The following DNM3 variants were observed in gnomAD, a reference collection of about 807,000 sequenced individuals.
DNM3 encodes the protein dynamin 3, also known as dynamin-3.
A neutral mutation model predicts 101.6 loss-of-function variants in DNM3; 47 were observed. The observed-to-expected ratio is 0.46, with a 90% CI of 0.37 to 0.59. The LOEUF (loss-of-function observed/expected upper bound fraction) is 0.59, where lower values mean the gene tolerates loss of function less well. DNM3 is among the 20% of genes least tolerant of loss of function. DNM3 has a pLI of 0.00. For synonymous variants in DNM3, 385 were observed against 387.9 expected, an observed-to-expected ratio of 0.99 and a Z score of 0.09; for missense variants, 849 against 1,085.7, an observed-to-expected ratio of 0.78 and a Z score of 3.06.
chr1:172,179,712 A>G (rs1267212949), intron 14 of DNM3, among the ~76,000 whole-genome samples: 4 of 151,956 alleles, frequency 2.6e-5, no homozygotes, highest in Non-Finnish European at 5.9e-5. Flanking sequence ...TTTTGGGAAT[A>G]CAGATTCAAT....
At chr1:172,360,930 G>A (rs2067708483) in intron 17 of DNM3, among the ~76,000 whole-genome samples, 1 of 152,000 alleles carries the variant, frequency 6.6e-6, no homozygotes, top group Non-Finnish European at 1.5e-5. Flanking sequence ...AGGTGGGACT[G>A]GCAGGAAATG....
At chr1:172,019,459 G>T (rs2047681144) in intron 4 of DNM3, among the ~76,000 whole-genome samples, 1 of 150,788 alleles carries the variant, frequency 6.6e-6, no homozygotes, top group Non-Finnish European at 1.5e-5. Flanking sequence ...CCTAGTTATA[G>T]CTTTTGGGGG....
rs112528867 is a variant in DNM3 at position 171,979,072 on chromosome 1, A to G, written c.236-8584A>G. 6.6e-4 allele frequency among the ~76,000 whole-genome samples: 101 copies of G among 152,260 alleles called. 1 individual carries two copies. The highest frequency in any genetic ancestry group is 2.3e-3 in the African/African-American group (96 of 41,562). On this transcript the variant is annotated intron_variant, in intron 2 of 20. Transcript: ENST00000627582. ...TCTAGAAACAAGTCTGGTGTACTCC[A>G]ATATTTAGAAGTGTAGAAGAGAAGG... is the stretch of plus-strand genomic sequence containing the variant.
chr1:172,335,279 G>A (rs2066370275), intron 17 of DNM3, among the ~76,000 whole-genome samples: 1 of 152,044 alleles, frequency 6.6e-6, no homozygotes, highest in African/African-American at 2.4e-5. Flanking sequence ...GTTTTTCGGG[G>A]ATAAAGGCAT....
chr1:172,357,564 A>G (rs1228787725), intron 17 of DNM3, among the ~76,000 whole-genome samples: 2 of 152,100 alleles, frequency 1.3e-5, no homozygotes, highest in African/African-American at 2.4e-5. Context: ...AAGATGAAAA[A>G]AGACTGAGGT....
chr1:172,147,099 C>T (rs1187680481), intron 14 of DNM3, among the ~76,000 whole-genome samples: 1 of 152,074 alleles, frequency 6.6e-6, no homozygotes, highest in East Asian at 1.9e-4. Flanking sequence ...GGTGCTCTTG[C>T]CTCCAAATAG....
intron 2 of DNM3, among the ~76,000 whole-genome samples, chr1:171,966,065 T>C (rs2043565161): frequency 6.6e-6 from 1 of 152,202 alleles, no homozygotes; most frequent in African/African-American, 2.4e-5. Context: ...ATATTTCTTC[T>C]TATGTTGCAT....
At chr1:171,950,478 T>C (rs2208369) in intron 2 of DNM3, among the ~76,000 whole-genome samples, 96,978 of 152,016 alleles carry the variant, frequency 0.64, 31,098 homozygotes, top group Middle Eastern at 0.69. Flanking sequence ...GTGTTCTGAG[T>C]GCATTTATAG....
intron 17 of DNM3, among the ~76,000 whole-genome samples, chr1:172,354,590 A>C (rs943049160): frequency 1.3e-5 from 2 of 152,134 alleles, no homozygotes; most frequent in Non-Finnish European, 2.9e-5. Context: ...TTTGATTTCT[A>C]GTGGTTTTTT....
At chr1:172,301,919 A>G (rs1285539642) in intron 15 of DNM3, among the ~76,000 whole-genome samples, 1 of 152,202 alleles carries the variant, frequency 6.6e-6, no homozygotes, top group African/African-American at 2.4e-5. Flanking sequence ...CCGTTCCAAG[A>G]TGACCGAATA....
At chr1:172,318,393 C>T (rs1395576665) in intron 16 of DNM3, among the ~76,000 whole-genome samples, 1 of 152,072 alleles carries the variant, frequency 6.6e-6, no homozygotes, top group Non-Finnish European at 1.5e-5. Context: ...CCAGGGCAAT[C>T]AGGCAGGAGA....
At chr1:172,129,225 G>A (rs1202008933) in intron 13 of DNM3, among the ~76,000 whole-genome samples, 1 of 152,160 alleles carries the variant, frequency 6.6e-6, no homozygotes, top group Non-Finnish European at 1.5e-5. Context: ...TTAAATAGAT[G>A]TGATCATTTA....
At chr1:172,021,993 A>G (rs1558435794) in intron 4 of DNM3, among the ~76,000 whole-genome samples, 2 of 152,218 alleles carry the variant, frequency 1.3e-5, no homozygotes, top group Admixed American at 6.5e-5. Context: ...TTAGTTCTGT[A>G]AACAGTCTTA....
rs550507752 is a variant in DNM3, at chr1:172,318,388, G to A, written c.1882-4941G>A. 4.8e-3 allele frequency among the ~76,000 whole-genome samples: 732 copies of A among 152,230 alleles called. 4 individuals carry two copies. Among genetic ancestry groups the A allele is most frequent in the African/African-American group, 0.017 (691 of 41,518 alleles). On this transcript the variant is annotated intron_variant, in intron 16 of 20. Transcript: ENST00000627582. ...CATAGTGTTGGAAGTTCTGGCCAGG[G>A]CAATCAGGCAGGAGAAGGAAATAAA...
At chr1:172,151,665 A>C (rs1317751650) in intron 14 of DNM3, among the ~76,000 whole-genome samples, 1 of 152,036 alleles carries the variant, frequency 6.6e-6, no homozygotes, top group Non-Finnish European at 1.5e-5. Flanking sequence ...TCTTTAAAGG[A>C]TTTGTACTTC....
chr1:171,879,716 A>C (rs1202932680), intron 1 of DNM3, among the ~76,000 whole-genome samples: 1 of 152,196 alleles, frequency 6.6e-6, no homozygotes, highest in Non-Finnish European at 1.5e-5. Context: ...AAAAGCCTGC[A>C]TGTCAACTGC....
intron 14 of DNM3, among the ~76,000 whole-genome samples, chr1:172,163,432 G>A (rs2058622782): frequency 1.3e-5 from 2 of 151,698 alleles, no homozygotes; most frequent in Non-Finnish European, 2.9e-5. Context: ...TAGATACGAG[G>A]TTTCGCCATG....
chr1:172,039,508 G>C (rs972954667), intron 7 of DNM3, among the ~76,000 whole-genome samples: 1 of 141,798 alleles, frequency 7.1e-6, no homozygotes, highest in African/African-American at 2.7e-5. Flanking sequence ...CTTTCTTTTC[G>C]TTCTTGGGTT....
At chr1:172,144,512 TTGTCCCCAGC>T (rs2057770455) in intron 14 of DNM3, 1 of 444,526 alleles carries the variant, frequency 2.2e-6, no homozygotes, top group Non-Finnish European at 4.6e-6. Context: ...ACAGCCCATT[TTGTCCCCAGC>T]GGTCCATGGC....
Sources: gnomAD v4.1 joint callset for allele counts (sites outside exome capture counted in the v4.1 genomes callset) on GRCh38, gnomAD v4.1.1 for gene constraint, MANE v1.5 for transcripts, NCBI Gene and HGNC (gene_info 2026-07-23, HGNC 2026-07-21) for gene names.